The following FAM13A variants were observed in gnomAD, a reference collection of about 807,000 sequenced individuals.
FAM13A encodes the protein family with sequence similarity 13 member A.
A neutral mutation model predicts 129.6 loss-of-function variants in FAM13A; 76 were observed. That is an observed-to-expected ratio of 0.59 (90% CI 0.49 to 0.71). FAM13A has a LOEUF of 0.71. Ranked by LOEUF, FAM13A falls within the 30% of genes least tolerant of loss-of-function variation. The pLI is 0.00. For synonymous variants in FAM13A, 443 were observed against 449.9 expected, an observed-to-expected ratio of 0.98 and a Z score of 0.20; for missense variants, 1,108 against 1,249.3, an observed-to-expected ratio of 0.89 and a Z score of 1.70.
intron 1 of FAM13A, among the ~76,000 whole-genome samples, chr4:89,032,015 C>T (rs759714712): frequency 5.3e-5 from 8 of 151,802 alleles, no homozygotes; most frequent in Non-Finnish European, 1.0e-4. Flanking sequence ...GTCAGGAGAT[C>T]GAGACCATCC....
At chr4:88,881,687 C>T (rs1285472828) in intron 6 of FAM13A, among the ~76,000 whole-genome samples, 1 of 151,772 alleles carries the variant, frequency 6.6e-6, no homozygotes, top group African/African-American at 2.4e-5. Context: ...ATCAAGGAGG[C>T]ACTACAGAAA....
intron 8 of FAM13A, among the ~76,000 whole-genome samples, chr4:88,803,302 A>G (rs1727887828): frequency 6.6e-6 from 1 of 152,196 alleles, no homozygotes; most frequent in African/African-American, 2.4e-5. Flanking sequence ...GCCAGTATGC[A>G]TATTCATTCT....
At chr4:88,994,993 T>G (rs1763353840) in intron 3 of FAM13A, among the ~76,000 whole-genome samples, 1 of 152,174 alleles carries the variant, frequency 6.6e-6, no homozygotes, top group Non-Finnish European at 1.5e-5. Flanking sequence ...TTATAAAAGT[T>G]TGCAATGCTT....
intron 14 of FAM13A, among the ~76,000 whole-genome samples, chr4:88,756,214 T>G (rs927249067): frequency 6.6e-6 from 1 of 152,216 alleles, no homozygotes; most frequent in Admixed American, 6.5e-5. Flanking sequence ...GCTATGTATA[T>G]TTAAAAAGGA....
intron 4 of FAM13A, among the ~76,000 whole-genome samples, chr4:88,983,630 G>A (rs1461304466): frequency 6.6e-6 from 1 of 152,020 alleles, no homozygotes; most frequent in Non-Finnish European, 1.5e-5. Flanking sequence ...CCATAAAACA[G>A]TATTGAAACA....
chr4:88,927,109 C>T (rs1220726343), intron 5 of FAM13A, among the ~76,000 whole-genome samples: 1 of 152,020 alleles, frequency 6.6e-6, no homozygotes, highest in Non-Finnish European at 1.5e-5. Flanking sequence ...TTTCCATTTG[C>T]TTGTGTCATC....
At chr4:89,046,658 T>A (rs758604578) in intron 1 of FAM13A, among the ~76,000 whole-genome samples, 26 of 151,054 alleles carry the variant, frequency 1.7e-4, no homozygotes, top group Non-Finnish European at 1.3e-4. Context: ...AAGACCAGCC[T>A]GGGCAATATA....
intron 3 of FAM13A, among the ~76,000 whole-genome samples, chr4:88,997,579 A>C (rs1399441593): frequency 7.0e-6 from 1 of 143,078 alleles, no homozygotes; most frequent in Non-Finnish European, 1.5e-5. Context: ...TTATAATTAT[A>C]ATCAGCAATG....
chr4:88,879,032 G>A (rs901534878), intron 6 of FAM13A, among the ~76,000 whole-genome samples: 1 of 152,106 alleles, frequency 6.6e-6, no homozygotes, highest in Non-Finnish European at 1.5e-5. Context: ...TATATAAAAC[G>A]GTCTTTAGAA....
intron 5 of FAM13A, among the ~76,000 whole-genome samples, chr4:88,925,172 A>T (rs1364353873): frequency 6.6e-6 from 1 of 152,056 alleles, no homozygotes; most frequent in Non-Finnish European, 1.5e-5. Flanking sequence ...CTAGAACTAG[A>T]AATACCATTT....
At position 88,834,530 on chromosome 4, in the gene FAM13A, T is replaced by C. The variant is rs149324004; in HGVS notation, c.1007+16490A>G. On this transcript the variant is annotated intron_variant, in intron 7 of 23. Transcript: ENST00000264344. ...TGTACTAAGCATTTCACTATGCATA[T>C]CAAAACATCATATTTTACACTCTAA... 5.0e-3 allele frequency among the ~76,000 whole-genome samples: 766 copies of C among 152,214 alleles called. 5 individuals are homozygous for C. Among genetic ancestry groups the C allele is most frequent in the African/African-American group, 0.017 (691 of 41,526 alleles).
chr4:88,853,510 CA>C (rs1354472747), intron 6 of FAM13A, among the ~76,000 whole-genome samples: 3 of 152,102 alleles, frequency 2.0e-5, no homozygotes, highest in African/African-American at 7.2e-5. Flanking sequence ...CATGAAAAAT[CA>C]ATAAAACCAC....
intron 7 of FAM13A, among the ~76,000 whole-genome samples, chr4:88,827,147 T>G (rs1733143501): frequency 6.6e-6 from 1 of 152,186 alleles, no homozygotes. Flanking sequence ...CCAAATGCCT[T>G]TTCTTAGATC....
chr4:88,801,775 A>G (rs1243785098), intron 8 of FAM13A, among the ~76,000 whole-genome samples: 2 of 152,134 alleles, frequency 1.3e-5, no homozygotes, highest in Non-Finnish European at 2.9e-5. Context: ...GTCTGATGAA[A>G]TGGGATAAGG....
At chr4:88,932,017 A>G (rs1426387394) in intron 5 of FAM13A, among the ~76,000 whole-genome samples, 1 of 152,236 alleles carries the variant, frequency 6.6e-6, no homozygotes, top group Non-Finnish European at 1.5e-5. Context: ...GAGGGGCTAC[A>G]GAAGAGGTTA....
chr4:88,872,072 A>G (rs1215834705), intron 6 of FAM13A, among the ~76,000 whole-genome samples: 1 of 152,230 alleles, frequency 6.6e-6, no homozygotes, highest in Non-Finnish European at 1.5e-5. Context: ...GAGAAATAAA[A>G]TACTCTACAG....
rs151247598 is a variant in FAM13A at position 88,733,464 on chromosome 4, GTTTC to G, written c.2647-1270_2647-1267del. ...TAAAATTGACTTTTTAAATGAATAC[GTTTC>G]TTTTTGTTTTAGTAAGAGTAATAAC... On this transcript the variant is annotated intron_variant, in intron 21 of 23. Coordinates refer to ENST00000264344, the MANE Select transcript of FAM13A (RefSeq NM_014883.4). 2.6e-3 allele frequency among the ~76,000 whole-genome samples: 399 copies of G among 152,212 alleles called. 7 individuals are homozygous for G. The highest frequency in any genetic ancestry group is 8.9e-3 in the African/African-American group (371 of 41,524).
chr4:88,738,678 G>T (rs932706098), intron 20 of FAM13A, among the ~76,000 whole-genome samples: 3 of 152,140 alleles, frequency 2.0e-5, no homozygotes, highest in Admixed American at 1.3e-4. Context: ...GGATCAGAAC[G>T]GCACTCTTTG....
chr4:89,025,242 A>ATTG lies in FAM13A; in HGVS notation c.217+4215_217+4217dup, dbSNP rs1178418352. ...TATGCTAAAGGTTAACCATGGAATCATTGTTTTTTTTTTTTTTTTTTTTTT... is the reference window on the plus strand; with the variant it reads ...TATGCTAAAGGTTAACCATGGAATCATTGTTGTTTTTTTTTTTTTTTTTTTTTT... On this transcript the variant is annotated intron_variant, in intron 2 of 23. Transcript: ENST00000264344. Among the ~76,000 whole-genome samples the ATTG allele has an allele frequency of 2.7e-3, 152 of 55,476 alleles. 8 individuals are homozygous for ATTG. Among genetic ancestry groups the ATTG allele is most frequent in the Middle Eastern group, 0.029 (2 of 68 alleles). The allele number at this position is 55,476 out of a possible 152,430, so 36.4% of individuals were successfully genotyped here. A position where few individuals can be genotyped will look rare whatever the true frequency, so the allele number is the denominator to read the frequency against.
Sources: gnomAD v4.1 joint callset for allele counts (sites outside exome capture counted in the v4.1 genomes callset) on GRCh38, gnomAD v4.1.1 for gene constraint, MANE v1.5 for transcripts, NCBI Gene and HGNC (gene_info 2026-07-23, HGNC 2026-07-21) for gene names.